ZFP90: variants seen among roughly 807,000 people sequenced by gnomAD.
ZFP90 encodes zinc finger protein 90 homolog.
ZFP90 carries 38 observed loss-of-function variants against 60.8 expected under a neutral mutation model. The ratio of observed to expected loss-of-function variants is 0.62; its 90% CI spans 0.48 to 0.82. The LOEUF is 0.82. Among genes scored for constraint, ZFP90 ranks in the 40% least tolerant of loss-of-function variants. ZFP90 has a pLI of 0.00. For missense variants in ZFP90, 711 were observed against 759.1 expected (o/e 0.94, Z 0.74); for synonymous variants, 287 against 264.8 (o/e 1.08, Z -0.82).
intron 2 of ZFP90, chr16:68,575,642 G>A (rs1476302923): frequency 2.6e-6 from 1 of 383,922 alleles, no homozygotes; most frequent in Non-Finnish European, 4.6e-6. Context: ...AATAGATGAA[G>A]GTTAGTGATC....
upstream of ZFP90, among the ~76,000 whole-genome samples, chr16:68,538,500 G>A (rs2090979544): frequency 6.6e-6 from 1 of 152,006 alleles, no homozygotes; most frequent in African/African-American, 2.4e-5. Flanking sequence ...AGGCGAGTTC[G>A]AGACCAGCAT....
In ZFP90 at chr16:68,545,630, T is replaced by A. The variant is rs7196919; in HGVS notation, c.33+5805T>A. On this transcript the variant is annotated intron_variant, in intron 2 of 4. Coordinates refer to ENST00000563169, the MANE Select transcript of ZFP90 (RefSeq NM_001305203.2). ...GAGATCGAGACCATCCTGGCTAACATGGTGAAACCCCGTCTCTAATAAAAA... is the reference window on the plus strand; with the variant it reads ...GAGATCGAGACCATCCTGGCTAACAAGGTGAAACCCCGTCTCTAATAAAAA... 3.3e-5 allele frequency among the ~76,000 whole-genome samples: 5 copies of A among 151,326 alleles called. No individual in the cohort carries two copies. In the South Asian group the frequency reaches 1.0e-3, roughly 32 times the overall value.
intron 2 of ZFP90, among the ~76,000 whole-genome samples, chr16:68,548,709 C>T (rs879609573): frequency 2.0e-4 from 30 of 151,984 alleles, no homozygotes; most frequent in Admixed American, 1.2e-3. Context: ...AGGCTGGTCT[C>T]GAACTCCCGA....
chr16:68,573,006 A>C (rs1487844432), intron 2 of ZFP90, among the ~76,000 whole-genome samples: 1 of 152,236 alleles, frequency 6.6e-6, no homozygotes, highest in Non-Finnish European at 1.5e-5. Flanking sequence ...CAGAGATCAC[A>C]AGTCAGGATT....
chr16:68,564,084 C>G lies in ZFP90; in HGVS notation c.1297C>G (p.His433Asp), dbSNP rs1357362283. The change falls in exon 5 of 5, where the codon CAC becomes GAC. Residue 433 changes from histidine (H) to aspartate (D), a missense_variant. His to Asp is a moderately conservative substitution (Grantham distance 81). Transcript: ENST00000563169. ...QSSNYSIDFKHSTSLTQDEST... is the reference protein window; with the variant it reads ...QSSNYSIDFKDSTSLTQDEST... ...CAGTAACTACAGCATAGATTTCAAG[C>G]ACAGCACATCTCTCACTCAAGATGA... The G allele has an allele frequency of 2.5e-6, 4 of 1,614,086 alleles. No individual in the cohort carries two copies. The highest frequency in any genetic ancestry group is 3.4e-6 in the Non-Finnish European group (4 of 1,180,010).
rs2091468854 is a variant in ZFP90 at position 68,563,513 on chromosome 16, A to T, written c.726A>T (p.Gly242=). 1 of 1,614,242 alleles carries T rather than the reference A, an allele frequency of 6.2e-7. No individual in the cohort carries two copies. Among genetic ancestry groups the T allele is most frequent in the Admixed American group, 1.7e-5 (1 of 60,022 alleles). ...AAGGAGAGGGAGCTTTCCCTAATGG[A>T]ACAGATCAAGGAATTTATCCTGGAA... ...THKGEGAFPN[G]TDQGIYPGKK... is the part of the protein sequence containing the mutation. The change falls in exon 5 of 5, where the codon GGA becomes GGT. Residue 242 remains glycine, a synonymous_variant. Transcript: ENST00000563169.
chr16:68,554,335 G>C (rs777978689), intron 2 of ZFP90, among the ~76,000 whole-genome samples: 6 of 151,926 alleles, frequency 3.9e-5, no homozygotes, highest in Non-Finnish European at 8.8e-5. Flanking sequence ...TTCCCAAAGA[G>C]TTTGCCACGT....
At chr16:68,539,702 G>T in intron 1 of ZFP90, 56 bp from the exon 2 acceptor site, 1 of 1,383,404 alleles carries the variant, frequency 7.2e-7, no homozygotes, top group Non-Finnish European at 9.7e-7. Flanking sequence ...GGCGGGGCGG[G>T]GCGGGGTGGG....
At chr16:68,554,535 A>G (rs1489368872) in intron 2 of ZFP90, among the ~76,000 whole-genome samples, 1 of 152,230 alleles carries the variant, frequency 6.6e-6, no homozygotes, top group Non-Finnish European at 1.5e-5. Context: ...TCAAGAGTTA[A>G]AGAACAGAGG....
chr16:68,546,878 C>G (rs539152943), intron 2 of ZFP90, among the ~76,000 whole-genome samples: 2 of 152,348 alleles, frequency 1.3e-5, no homozygotes, highest in East Asian at 3.8e-4. Context: ...CAAGATTCAT[C>G]TAAGTCGTAG....
chr16:68,576,229 G>A (rs1179443445), downstream of ZFP90, among the ~76,000 whole-genome samples: 1 of 152,070 alleles, frequency 6.6e-6, no homozygotes, highest in Non-Finnish European at 1.5e-5. Context: ...GTCATTATTT[G>A]ACTTGTATGG....
chr16:68,567,330 G>A (rs746343475), downstream of ZFP90, among the ~76,000 whole-genome samples: 3 of 152,166 alleles, frequency 2.0e-5, no homozygotes, highest in South Asian at 6.2e-4. Flanking sequence ...TCTGGTTAGC[G>A]GTGTGGTGGT....
intron 4 of ZFP90, 158 bp from the exon 5 acceptor site, chr16:68,562,886 C>T (rs1186546033): frequency 3.3e-6 from 5 of 1,501,504 alleles, no homozygotes; most frequent in East Asian, 2.4e-5. Flanking sequence ...ATCATTTCTT[C>T]ACTTTTCCTT....
intron 4 of ZFP90, among the ~76,000 whole-genome samples, chr16:68,559,286 T>C (rs2091396931): frequency 6.6e-6 from 1 of 152,180 alleles, no homozygotes; most frequent in African/African-American, 2.4e-5. Flanking sequence ...TGGTTACTTT[T>C]ATCCTTCTCA....
chr16:68,575,053 A>T (rs2152079710), intron 2 of ZFP90, among the ~76,000 whole-genome samples: 1 of 152,322 alleles, frequency 6.6e-6, no homozygotes, highest in African/African-American at 2.4e-5. Context: ...GAAAATGTTG[A>T]ACTGGGGAAA....
chr16:68,539,545 C>T, intron 1 of ZFP90, 66 bp downstream of exon 1: 1 of 501,494 alleles, frequency 2.0e-6, no homozygotes, highest in Non-Finnish European at 3.5e-6. Context: ...GCCCACCACC[C>T]TGCGAAGGGG....
intron 2 of ZFP90, among the ~76,000 whole-genome samples, chr16:68,550,948 G>A (rs900827162): frequency 6.6e-5 from 10 of 152,322 alleles, no homozygotes; most frequent in Middle Eastern, 6.8e-3. Context: ...GATGCAGTAG[G>A]AATCTGTGTG....
upstream of ZFP90, among the ~76,000 whole-genome samples, chr16:68,536,877 A>G (rs781216186): frequency 1.3e-5 from 2 of 152,104 alleles, no homozygotes; most frequent in Admixed American, 6.6e-5. Flanking sequence ...TACTAAGCCA[A>G]TGGCTCTCAT....
chr16:68,556,883 G>A (rs1020901977), intron 2 of ZFP90, among the ~76,000 whole-genome samples: 1 of 152,194 alleles, frequency 6.6e-6, no homozygotes, highest in African/African-American at 2.4e-5. Flanking sequence ...CAACCATGTG[G>A]ACATGCAGGA....
Sources: allele counts gnomAD v4.1 joint callset (sites outside exome capture counted in the v4.1 genomes callset), GRCh38; gene constraint gnomAD v4.1.1; transcripts MANE v1.5; gene names NCBI Gene and HGNC (gene_info 2026-07-23, HGNC 2026-07-21).